Variants in GALNT13 observed in about 807,000 individuals in gnomAD.
GALNT13 encodes UDP-GalNAc:polypeptide N-acetylgalactosaminyltransferase 13.
Under a neutral mutation model 64.2 loss-of-function variants are expected in GALNT13, and 28 were observed. The ratio of observed to expected loss-of-function variants is 0.44; its 90% CI spans 0.32 to 0.60. The LOEUF is 0.60. GALNT13 is among the 20% of genes least tolerant of loss of function. The pLI is 0.05. For synonymous variants in GALNT13, 214 were observed against 224.6 expected, an observed-to-expected ratio of 0.95 and a Z score of 0.42; for missense variants, 577 against 669.8, an observed-to-expected ratio of 0.86 and a Z score of 1.53.
chr2:153,620,007 T>C, the GALNT13 span, among the ~76,000 whole-genome samples: 2 of 152,128 alleles, frequency 1.3e-5, no homozygotes, highest in Non-Finnish European at 2.9e-5. Flanking sequence ...TTCAGGAAGT[T>C]CTCTATTATT....
chr2:154,187,821 G>A (rs1033800942), intron 4 of GALNT13, among the ~76,000 whole-genome samples: 4 of 151,902 alleles, frequency 2.6e-5, no homozygotes, highest in African/African-American at 9.7e-5. Context: ...TAGTTTTTTT[G>A]GTGTTTCTGT....
At chr2:153,537,635 G>C in the GALNT13 span, among the ~76,000 whole-genome samples, 5 of 152,258 alleles carry the variant, frequency 3.3e-5, no homozygotes, top group African/African-American at 1.2e-4. Context: ...TAATCCCTAA[G>C]TGCTGTGGGA....
the GALNT13 span, among the ~76,000 whole-genome samples, chr2:153,364,765 G>A: frequency 6.6e-6 from 1 of 152,162 alleles, no homozygotes; most frequent in Non-Finnish European, 1.5e-5. Context: ...AACATTCCAT[G>A]CTCACAGATA....
chr2:154,021,651 G>A (rs1366798641), intron 3 of GALNT13, among the ~76,000 whole-genome samples: 2 of 151,542 alleles, frequency 1.3e-5, no homozygotes, highest in African/African-American at 2.4e-5. Context: ...CTGCAAACAG[G>A]GACAATTTGA....
rs368379756 is a variant in GALNT13 at position 154,323,850 on chromosome 2, G to T, written c.1156+22261G>T. Among the ~76,000 whole-genome samples the T allele has an allele frequency of 2.0e-5, 3 of 152,112 alleles. No individual in the cohort carries two copies. In the East Asian group the frequency reaches 5.8e-4, roughly 29 times the overall value. On this transcript the variant is annotated intron_variant, in intron 9 of 12. Coordinates refer to ENST00000392825, the MANE Select transcript of GALNT13 (RefSeq NM_052917.4). Reference sequence around the variant, plus strand: ...TATGTCCATAAGAATGGGGAAGGAGGATTTCTTTCTATGAGCAAAAGTTCT... The same window carrying T: ...TATGTCCATAAGAATGGGGAAGGAGTATTTCTTTCTATGAGCAAAAGTTCT...
the GALNT13 span, among the ~76,000 whole-genome samples, chr2:153,186,824 C>A: frequency 6.6e-6 from 1 of 152,186 alleles, no homozygotes; most frequent in African/African-American, 2.4e-5. Context: ...CCTCAGCCTC[C>A]CAAAGTGCTG....
chr2:154,149,051 AT>A (rs760389477), intron 4 of GALNT13, among the ~76,000 whole-genome samples: 45 of 152,108 alleles, frequency 3.0e-4, no homozygotes, highest in Non-Finnish European at 5.0e-4. Context: ...TAGGGTTTTT[AT>A]GGTTTTAGGT....
the GALNT13 span, among the ~76,000 whole-genome samples, chr2:153,559,929 A>T: frequency 2.0e-5 from 3 of 152,212 alleles, no homozygotes; most frequent in East Asian, 1.9e-4. Flanking sequence ...CGTTAATAGT[A>T]TCTAATCAAT....
At chr2:153,695,521 C>G in the GALNT13 span, among the ~76,000 whole-genome samples, 2 of 152,230 alleles carry the variant, frequency 1.3e-5, no homozygotes, top group Admixed American at 1.3e-4. Context: ...AAGTAAGAAG[C>G]ATGATCAGCG....
the GALNT13 span, among the ~76,000 whole-genome samples, chr2:153,232,218 C>T: frequency 6.6e-6 from 1 of 152,178 alleles, no homozygotes; most frequent in Non-Finnish European, 1.5e-5. Flanking sequence ...TGATATCCAT[C>T]ATGCATAGCA....
the GALNT13 span, among the ~76,000 whole-genome samples, chr2:153,082,738 A>G: frequency 1.8e-4 from 26 of 144,954 alleles, no homozygotes; most frequent in African/African-American, 6.0e-4. Flanking sequence ...TGGTTTATAT[A>G]TATATTATTT....
the GALNT13 span, among the ~76,000 whole-genome samples, chr2:153,433,986 C>A: frequency 7.9e-5 from 12 of 152,082 alleles, no homozygotes; most frequent in South Asian, 6.2e-4. Context: ...CTGCTCCCCC[C>A]ACCCCACAAC....
the GALNT13 span, among the ~76,000 whole-genome samples, chr2:153,077,634 ATTT>A: frequency 1.3e-5 from 2 of 152,176 alleles, no homozygotes; most frequent in Non-Finnish European, 2.9e-5. Context: ...CATTTACAGC[ATTT>A]ATCAGAAATG....
At chr2:153,460,508 G>T in the GALNT13 span, among the ~76,000 whole-genome samples, 1 of 151,968 alleles carries the variant, frequency 6.6e-6, no homozygotes, top group African/African-American at 2.4e-5. Flanking sequence ...TCATTATTCC[G>T]ATCTTCTTAT....
chr2:153,894,311 G>C (rs9636325), intron 1 of GALNT13, among the ~76,000 whole-genome samples: 21,593 of 152,040 alleles, frequency 0.14, 1,746 homozygotes, highest in South Asian at 0.21. Flanking sequence ...GGATGATAGA[G>C]TATTCAGTTA....
chr2:153,081,469 C>T, the GALNT13 span, among the ~76,000 whole-genome samples: 1 of 152,110 alleles, frequency 6.6e-6, no homozygotes, highest in Non-Finnish European at 1.5e-5. Context: ...TTCATACTTT[C>T]TGTTTTTTCC....
At chr2:154,049,646 G>A (rs1017512359) in intron 3 of GALNT13, among the ~76,000 whole-genome samples, 3 of 151,258 alleles carry the variant, frequency 2.0e-5, no homozygotes, top group Non-Finnish European at 4.4e-5. Context: ...TAAAAAATAC[G>A]ATTATTGTAG....
chr2:153,781,054 A>G, the GALNT13 span, among the ~76,000 whole-genome samples: 1 of 152,214 alleles, frequency 6.6e-6, no homozygotes, highest in African/African-American at 2.4e-5. Flanking sequence ...TTAGGTATTA[A>G]CAGAGTGAAG....
rs539044698 is a variant in GALNT13, at chr2:153,955,749, T to G, written c.142+11110T>G. Among the ~76,000 whole-genome samples, 5 of 152,264 alleles carry G rather than the reference T, an allele frequency of 3.3e-5. No individual in the cohort carries two copies. In the East Asian group the frequency reaches 9.7e-4, roughly 29 times the overall value. On this transcript the variant is annotated intron_variant, in intron 3 of 12. Coordinates refer to ENST00000392825, the MANE Select transcript of GALNT13 (RefSeq NM_052917.4). ...CAGAGGTGGAAGAAAACAGTTTTAT[T>G]GAACAGTGTTACAGCTCTGGTGGGG...
Sources: allele counts gnomAD v4.1 joint callset (sites outside exome capture counted in the v4.1 genomes callset), GRCh38; gene constraint gnomAD v4.1.1; transcripts MANE v1.5; gene names NCBI Gene and HGNC (gene_info 2026-07-23, HGNC 2026-07-21).